Variants in SFXN5 observed in about 807,000 individuals in gnomAD.
SFXN5 encodes the protein sideroflexin-5.
A neutral mutation model predicts 50.2 loss-of-function variants in SFXN5; 43 were observed. The ratio of observed to expected loss-of-function variants is 0.86; its 90% CI spans 0.67 to 1.11. SFXN5 has a LOEUF of 1.11. SFXN5 is among the 50% of genes least tolerant of loss of function. The pLI is 0.00. For synonymous variants in SFXN5, 203 were observed against 185.8 expected (o/e 1.09, Z -0.75); for missense variants, 463 against 454.1 (o/e 1.02, Z -0.18).
At chr2:73,003,807 C>T (rs946572143) in intron 6 of SFXN5, among the ~76,000 whole-genome samples, 3 of 152,206 alleles carry the variant, frequency 2.0e-5, no homozygotes, top group Non-Finnish European at 2.9e-5. Flanking sequence ...GTACCACACA[C>T]ATACACACTG....
chr2:73,048,917 T>C (rs1329475674), intron 2 of SFXN5, among the ~76,000 whole-genome samples: 1 of 152,222 alleles, frequency 6.6e-6, no homozygotes, highest in Admixed American at 6.5e-5. Flanking sequence ...GGTGATACTT[T>C]GAGAGCGAAT....
chr2:72,969,640 C>A (rs1338744975), intron 11 of SFXN5, among the ~76,000 whole-genome samples: 4 of 151,998 alleles, frequency 2.6e-5, no homozygotes, highest in African/African-American at 9.7e-5. Flanking sequence ...AGGTGATCCA[C>A]CCCCCTCAGC....
intron 13 of SFXN5, chr2:72,956,835 T>C (rs1011793897): frequency 6.0e-6 from 2 of 335,868 alleles, no homozygotes; most frequent in Non-Finnish European, 1.2e-5. Context: ...CATCTCACAG[T>C]TTCTTTGCTG....
intron 13 of SFXN5, among the ~76,000 whole-genome samples, chr2:72,959,930 C>T (rs1673521506): frequency 6.6e-6 from 1 of 152,132 alleles, no homozygotes; most frequent in Admixed American, 6.5e-5. Context: ...TCTCTGGGGA[C>T]AGGGTTTGGC....
chr2:72,988,431 C>T (rs1672171886), intron 9 of SFXN5, 83 bp from the exon 10 acceptor site: 5 of 1,199,048 alleles, frequency 4.2e-6, no homozygotes, highest in African/African-American at 1.5e-5. Flanking sequence ...ACTGGAGGAA[C>T]ATCAGAGAGT....
intron 2 of SFXN5, among the ~76,000 whole-genome samples, chr2:73,047,275 T>TACACACAC (rs1300394771): frequency 3.9e-5 from 2 of 51,758 alleles, no homozygotes; most frequent in African/African-American, 1.6e-4. Flanking sequence ...TATATATATA[T>TACACACAC]ACACACATAT....
In SFXN5 at chr2:72,960,399, G is replaced by A. The variant is rs540903227; in HGVS notation, c.945+732C>T. ...CTCTTCATCGAATCCCGAAGAAGCC[G>A]CCTCCTGACTCCCTCTTTAGGGACC... On this transcript the variant is annotated intron_variant, in intron 13 of 13. Coordinates refer to ENST00000272433, the MANE Select transcript of SFXN5 (RefSeq NM_144579.3). The surrounding 1 kb of genome is among the most constrained non-coding windows in gnomAD (Gnocchi z 6.1). Among the ~76,000 whole-genome samples the A allele has an allele frequency of 4.7e-4, 72 of 152,120 alleles. No individual in the cohort carries two copies. Among genetic ancestry groups the A allele is most frequent in the Non-Finnish European group, 8.7e-4 (59 of 67,994 alleles).
intron 6 of SFXN5, among the ~76,000 whole-genome samples, chr2:73,009,168 C>T (rs937331333): frequency 6.6e-6 from 1 of 152,180 alleles, no homozygotes; most frequent in Non-Finnish European, 1.5e-5. Context: ...CTTCTGCATG[C>T]GTATATTTTC....
At chr2:72,962,959 C>A (rs1277383601) in intron 12 of SFXN5, among the ~76,000 whole-genome samples, 3 of 152,184 alleles carry the variant, frequency 2.0e-5, no homozygotes, top group Non-Finnish European at 4.4e-5. Flanking sequence ...GCACCCCCAC[C>A]CTCTCTCTCT....
chr2:73,053,040 G>A (rs1395880850), intron 2 of SFXN5, among the ~76,000 whole-genome samples: 1 of 152,148 alleles, frequency 6.6e-6, no homozygotes, highest in African/African-American at 2.4e-5. Context: ...ATCCGAGCAT[G>A]GTGGCATGCA....
chr2:72,981,024 G>A (rs1671242185), intron 10 of SFXN5: 1 of 152,200 alleles, frequency 6.6e-6, no homozygotes, highest in South Asian at 2.1e-4. Context: ...GCCAGATCCT[G>A]AGCAAGCTGC....
intron 10 of SFXN5, 150 bp downstream of exon 10, chr2:72,988,108 G>A (rs2105574953): frequency 3.0e-6 from 2 of 670,772 alleles, no homozygotes; most frequent in East Asian, 5.5e-5. Context: ...CCATGGTCTT[G>A]TCTTTTAGCT....
Position 72,945,978 on chromosome 2 carries a change from A to G in SFXN5, c.946-879T>C, listed in dbSNP as rs1278540642. Among the ~76,000 whole-genome samples the G allele has an allele frequency of 2.0e-5, 3 of 151,928 alleles. No individual in the cohort carries two copies. The East Asian group carries it at 5.8e-4, about 29-fold the overall frequency. Reference sequence around the variant, plus strand: ...GACACTTCCTCTTATTTAGGGAAAAAGCTGAAGGTGTCAGAGGCGAAACCC... The same window carrying G: ...GACACTTCCTCTTATTTAGGGAAAAGGCTGAAGGTGTCAGAGGCGAAACCC... On this transcript the variant is annotated intron_variant, in intron 13 of 13. Transcript: ENST00000272433. The surrounding 1 kb of genome is among the most constrained non-coding windows in gnomAD (Gnocchi z 5.8).
At chr2:72,998,852 G>T in intron 9 of SFXN5, 97 bp downstream of exon 9, 2 of 1,354,742 alleles carry the variant, frequency 1.5e-6, no homozygotes, top group Non-Finnish European at 2.1e-6. Context: ...CCAAATCCTT[G>T]CCTGGCCTGG....
At chr2:73,010,140 A>T (rs1675311674) in intron 6 of SFXN5, among the ~76,000 whole-genome samples, 1 of 152,212 alleles carries the variant, frequency 6.6e-6, no homozygotes, top group Non-Finnish European at 1.5e-5. Flanking sequence ...GCCTATCACC[A>T]TTCTTCCCTT....
rs184855728 is a variant in SFXN5 at position 72,958,365 on chromosome 2, G to A, written c.945+2766C>T. 1.4e-4 allele frequency among the ~76,000 whole-genome samples: 21 copies of A among 152,182 alleles called. No homozygotes were observed. The Middle Eastern group carries it at 0.01, about 74-fold the overall frequency. On this transcript the variant is annotated intron_variant, in intron 13 of 13. Transcript: ENST00000272433. Reference sequence around the variant, plus strand: ...GACCTCTGGTGTTTCCTCTCCTATCGGCACCTGACTTCTGCAACCTTGGGC... The same window carrying A: ...GACCTCTGGTGTTTCCTCTCCTATCAGCACCTGACTTCTGCAACCTTGGGC...
At chr2:73,026,997 G>C (rs1677641069) in intron 3 of SFXN5, among the ~76,000 whole-genome samples, 1 of 152,160 alleles carries the variant, frequency 6.6e-6, no homozygotes, top group Non-Finnish European at 1.5e-5. Context: ...AAAATGCTGG[G>C]ATTACAGGCG....
In SFXN5 at chr2:73,045,670, C is replaced by T. The variant is rs992995748; in HGVS notation, c.172-4739G>A. Among the ~76,000 whole-genome samples the T allele has an allele frequency of 3.3e-5, 5 of 151,940 alleles. No individual in the cohort carries two copies. In the South Asian group the frequency reaches 1.0e-3, roughly 32 times the overall value. On this transcript the variant is annotated intron_variant, in intron 2 of 13. Coordinates refer to ENST00000272433, the MANE Select transcript of SFXN5 (RefSeq NM_144579.3). ...AATCTTGCACCACTGAGGGCAGGGC[C>T]GTGCATCCTTACCACAGCTTGACCA...
intron 6 of SFXN5, among the ~76,000 whole-genome samples, chr2:73,007,532 T>C (rs939907491): frequency 3.9e-5 from 6 of 152,098 alleles, no homozygotes; most frequent in African/African-American, 1.2e-4. Context: ...ATGCCTTCTC[T>C]GTACCATTCA....
Sources: gnomAD v4.1 joint callset for allele counts (sites outside exome capture counted in the v4.1 genomes callset) on GRCh38, gnomAD v4.1.1 for gene constraint, Gnocchi (gnomAD v3.1) non-coding constraint, MANE v1.5 for transcripts, NCBI Gene and HGNC (gene_info 2026-07-23, HGNC 2026-07-21) for gene names.